The following TRAPPC9 variants were observed in gnomAD, a reference collection of about 807,000 sequenced individuals.
The protein encoded by TRAPPC9 is trafficking protein particle complex subunit 9.
Under a neutral mutation model 124.0 loss-of-function variants are expected in TRAPPC9, and 83 were observed. The ratio of observed to expected loss-of-function variants is 0.67; its 90% CI spans 0.56 to 0.80. The LOEUF is 0.80. Ranked by LOEUF, TRAPPC9 falls within the 30% of genes least tolerant of loss-of-function variation. The probability of loss-of-function intolerance (pLI) is 0.00; values close to 1 mark genes in which losing one functional copy is unlikely to be tolerated. For synonymous variants in TRAPPC9, 638 were observed against 617.5 expected (o/e 1.03, Z -0.49); for missense variants, 1,302 against 1,508.3 (o/e 0.86, Z 2.27).
chr8:140,405,142 G>T (rs1373629672), intron 6 of TRAPPC9, among the ~76,000 whole-genome samples: 1 of 152,066 alleles, frequency 6.6e-6, no homozygotes, highest in East Asian at 1.9e-4. Flanking sequence ...AAAAAGAAGG[G>T]TGCCTCCATA....
chr8:140,351,434 T>C (rs945481499), intron 9 of TRAPPC9, among the ~76,000 whole-genome samples: 8 of 151,986 alleles, frequency 5.3e-5, no homozygotes, highest in Non-Finnish European at 1.2e-4. Context: ...AGGTAGCATT[T>C]ACATTGTATG....
intron 18 of TRAPPC9, among the ~76,000 whole-genome samples, chr8:140,009,762 C>T (rs1345102407): frequency 6.6e-6 from 1 of 152,236 alleles, no homozygotes. Context: ...CCCTGCTATG[C>T]TGATGTTTGC....
At chr8:140,298,378 C>A (rs981152098) in intron 11 of TRAPPC9, among the ~76,000 whole-genome samples, 2 of 152,168 alleles carry the variant, frequency 1.3e-5, no homozygotes, top group African/African-American at 4.8e-5. Flanking sequence ...GCTGGCTGGA[C>A]GCAGAGGTCC....
chr8:140,005,752 G>A lies in TRAPPC9; in HGVS notation c.2700-16916C>T, dbSNP rs113827921. ...TCACTAAAAGACATTAAGAAAATAG[G>A]GGGAAAGGTCTTAGCCAGCCATGGT... On this transcript the variant is annotated intron_variant, in intron 18 of 22. Coordinates refer to ENST00000438773, the MANE Select transcript of TRAPPC9 (RefSeq NM_001160372.4). 1.3e-4 allele frequency among the ~76,000 whole-genome samples: 20 copies of A among 151,920 alleles called. 1 individual carries two copies. The highest frequency in any genetic ancestry group is 4.8e-4 in the African/African-American group (20 of 41,458).
rs79785134 is a variant in TRAPPC9, at chr8:140,053,435, T to C, written c.2557-29356A>G. Among the ~76,000 whole-genome samples the C allele has an allele frequency of 7.5e-3, 1,140 of 152,314 alleles. 16 individuals carry two copies. The highest frequency in any genetic ancestry group is 0.026 in the African/African-American group (1,090 of 41,568). ...GGGTTGGAGAAGATACTTGGTACAA[T>C]TTCAGTCTTTTTAAATTTGGTAAGA... On this transcript the variant is annotated intron_variant, in intron 17 of 22. Coordinates refer to ENST00000438773, the MANE Select transcript of TRAPPC9 (RefSeq NM_001160372.4).
chr8:140,227,327 A>G (rs2063478097), intron 16 of TRAPPC9, among the ~76,000 whole-genome samples: 1 of 152,196 alleles, frequency 6.6e-6, no homozygotes, highest in Non-Finnish European at 1.5e-5. Context: ...AATAGAACAG[A>G]GAACAGATTG....
At chr8:140,128,916 A>C (rs6995920) in intron 17 of TRAPPC9, among the ~76,000 whole-genome samples, 4,317 of 151,716 alleles carry the variant, frequency 0.028, 193 homozygotes, top group African/African-American at 0.098. Flanking sequence ...CTCCTCTCAC[A>C]TATTTAACAA....
intron 17 of TRAPPC9, among the ~76,000 whole-genome samples, chr8:140,178,735 A>C (rs1188916322): frequency 6.6e-6 from 1 of 152,112 alleles, no homozygotes; most frequent in East Asian, 1.9e-4. Context: ...TACCAGTGAA[A>C]TTCTGTGACT....
chr8:140,321,330 C>T (rs1050118898), intron 9 of TRAPPC9, among the ~76,000 whole-genome samples: 1 of 152,208 alleles, frequency 6.6e-6, no homozygotes, highest in African/African-American at 2.4e-5. Flanking sequence ...ATGAGCTCCC[C>T]CTCGCTTGTT....
At chr8:140,347,383 A>G (rs1253549564) in intron 9 of TRAPPC9, among the ~76,000 whole-genome samples, 1 of 152,116 alleles carries the variant, frequency 6.6e-6, no homozygotes, top group Non-Finnish European at 1.5e-5. Flanking sequence ...CCTATAAGAA[A>G]TCCTATCTAT....
At chr8:140,452,920 A>G (rs2071519734) in intron 1 of TRAPPC9, among the ~76,000 whole-genome samples, 1 of 152,190 alleles carries the variant, frequency 6.6e-6, no homozygotes, top group African/African-American at 2.4e-5. Flanking sequence ...AAAAATGAGG[A>G]TAGTAACACA....
intron 9 of TRAPPC9, among the ~76,000 whole-genome samples, chr8:140,335,669 G>C (rs553280044): frequency 5.1e-4 from 77 of 150,888 alleles, no homozygotes; most frequent in Middle Eastern, 3.4e-3. Flanking sequence ...AATATATCAA[G>C]AGCTTCACTC....
At chr8:140,229,245 CTTTT>C (rs2063527047) in intron 16 of TRAPPC9, among the ~76,000 whole-genome samples, 1 of 90,792 alleles carries the variant, frequency 1.1e-5, no homozygotes, top group African/African-American at 5.0e-5. Context: ...CGTATGTTTT[CTTTT>C]TCTTTTTTTT....
Position 140,024,042 on chromosome 8 carries a change from C to T in TRAPPC9, c.2594G>A (p.Gly865Asp), listed in dbSNP as rs1017832187. The change falls in exon 18 of 23, where the codon GGC (glycine) becomes GAC (aspartate). Residue 865 changes from glycine (G) to aspartate (D), a missense_variant. Around this residue, in one of 3 missense-constraint regions of TRAPPC9, gnomAD observed 640 missense variants for 679.3 expected, o/e 0.94. Coordinates refer to ENST00000438773, the MANE Select transcript of TRAPPC9 (RefSeq NM_001160372.4). ...GTAATATCCTTCAGTGTGGCCCGGG[C>T]CTCCAGAGTATTTGAAATTCAGGAC... ...EAVLNFKYSG[G>D]PGHTEGYYRN... 1.2e-6 allele frequency: 2 copies of T among 1,613,912 alleles called. No homozygotes were observed. Among genetic ancestry groups the T allele is most frequent in the East Asian group, 4.5e-5 (2 of 44,872 alleles).
chr8:140,444,485 A>G (rs145960585), intron 2 of TRAPPC9, among the ~76,000 whole-genome samples: 1,676 of 152,158 alleles, frequency 0.011, 33 homozygotes, highest in African/African-American at 0.037. Context: ...TTCCCTTCGG[A>G]TTTCTTTAGT....
chr8:139,732,653 C>A (rs540288775), intron 21 of TRAPPC9, among the ~76,000 whole-genome samples: 35 of 152,358 alleles, frequency 2.3e-4, no homozygotes, highest in Admixed American at 9.1e-4. Flanking sequence ...CCAGTGGCTG[C>A]AAGACCACAC....
chr8:139,990,300 G>A (rs1587428957), intron 18 of TRAPPC9, among the ~76,000 whole-genome samples: 2 of 152,186 alleles, frequency 1.3e-5, no homozygotes, highest in South Asian at 2.1e-4. Context: ...TGTGATGCCC[G>A]AGGCCCTGGA....
intron 17 of TRAPPC9, among the ~76,000 whole-genome samples, chr8:140,038,295 C>T (rs1407051133): frequency 6.6e-6 from 1 of 152,178 alleles, no homozygotes; most frequent in Non-Finnish European, 1.5e-5. Context: ...CTCTGCTCAC[C>T]CGTGCTCCAC....
At chr8:140,331,661 G>A (rs952892265) in intron 9 of TRAPPC9, among the ~76,000 whole-genome samples, 2 of 130,080 alleles carry the variant, frequency 1.5e-5, no homozygotes, top group Non-Finnish European at 3.3e-5. Context: ...TGAAAAAGCA[G>A]GCAAAAGACG....
Sources: allele counts gnomAD v4.1 joint callset (sites outside exome capture counted in the v4.1 genomes callset), GRCh38; gene constraint gnomAD v4.1.1; regional missense constraint gnomAD v4.1.1; transcripts MANE v1.5; gene names NCBI Gene and HGNC (gene_info 2026-07-23, HGNC 2026-07-21).